The following SRGAP1 variants were observed in gnomAD, a reference collection of about 807,000 sequenced individuals.
SRGAP1 encodes the protein SLIT-ROBO Rho GTPase activating protein 1.
In SRGAP1, 43 loss-of-function variants were observed where a neutral mutation model predicts 121.9. That is an observed-to-expected ratio of 0.35 (90% CI 0.28 to 0.46). The LOEUF is 0.46. SRGAP1 is among the 20% of genes least tolerant of loss of function. The pLI, the probability that SRGAP1 is intolerant of heterozygous loss-of-function variation, is 1.00. For synonymous variants in SRGAP1, 447 were observed against 485.4 expected (o/e 0.92, Z 1.04); for missense variants, 1,102 against 1,350.9 (o/e 0.82, Z 2.89).
intron 1 of SRGAP1, among the ~76,000 whole-genome samples, chr12:63,978,321 TTTTTATTACCCTATA>T (rs1224770654): frequency 4.6e-5 from 7 of 152,214 alleles, no homozygotes; most frequent in African/African-American, 1.7e-4. Context: ...TTTTTCATCA[TTTTTATTACCCTATA>T]AAGAAACTTC....
chr12:64,068,287 AAAAAAAAAAG>A (rs1391703671), intron 8 of SRGAP1, among the ~76,000 whole-genome samples: 1 of 111,808 alleles, frequency 8.9e-6, no homozygotes, highest in African/African-American at 3.8e-5. Flanking sequence ...AAAAAAAAAA[AAAAAAAAAAG>A]TAGTAGGCAC....
At chr12:64,077,464 ATAT>A (rs1316394366) in intron 8 of SRGAP1, among the ~76,000 whole-genome samples, 1 of 149,024 alleles carries the variant, frequency 6.7e-6, no homozygotes, top group East Asian at 1.9e-4. Context: ...TTAAATTTAT[ATAT>A]TAATATTTAT....
rs1485207551 is a variant in SRGAP1 at position 64,127,882 on chromosome 12, A to G, written c.2562A>G (p.Pro854=). The change falls in exon 21 of 22, where the codon CCA becomes CCG. Residue 854 remains proline, a synonymous_variant. Transcript: ENST00000355086. ...CTAGGCAACGAAAAAGAGGAGAGCC[A>G]CCCCCTCCAGTAAGGCGTCCTGGCA... ...YLARQRKRGE[P]PPPVRRPGRT... is the part of the protein sequence containing the mutation. 2 of 1,611,806 alleles carry G rather than the reference A, an allele frequency of 1.2e-6. No homozygotes were observed. Among genetic ancestry groups the G allele is most frequent in the Non-Finnish European group, 1.7e-6 (2 of 1,178,522 alleles).
At chr12:63,913,575 G>T (rs1213748762) in intron 1 of SRGAP1, among the ~76,000 whole-genome samples, 1 of 149,564 alleles carries the variant, frequency 6.7e-6, no homozygotes, top group East Asian at 2.0e-4. Flanking sequence ...CACAGTTCAA[G>T]GGTCAAGTCT....
At chr12:63,863,372 A>G (rs1420228522) in intron 1 of SRGAP1, among the ~76,000 whole-genome samples, 1 of 150,632 alleles carries the variant, frequency 6.6e-6, no homozygotes, top group Non-Finnish European at 1.5e-5. Context: ...TCCTGGGTTC[A>G]AGCAATTTTC....
chr12:64,050,870 G>A (rs938191787), intron 6 of SRGAP1, among the ~76,000 whole-genome samples: 3 of 151,994 alleles, frequency 2.0e-5, no homozygotes, highest in African/African-American at 4.8e-5. Flanking sequence ...TACAGGTACG[G>A]ACCACCATGC....
intron 1 of SRGAP1, among the ~76,000 whole-genome samples, chr12:63,961,215 C>T (rs988573972): frequency 1.3e-5 from 2 of 152,212 alleles, no homozygotes; most frequent in African/African-American, 4.8e-5. Context: ...CACACGCAGC[C>T]AGAGCCTACT....
At chr12:63,867,879 G>A (rs958864128) in intron 1 of SRGAP1, among the ~76,000 whole-genome samples, 6 of 151,262 alleles carry the variant, frequency 4.0e-5, no homozygotes, top group Admixed American at 1.3e-4. Context: ...CTTTAGAAAA[G>A]CAGGGAGATA....
At chr12:63,927,508 A>G (rs977022753) in intron 1 of SRGAP1, among the ~76,000 whole-genome samples, 2 of 151,968 alleles carry the variant, frequency 1.3e-5, no homozygotes, top group African/African-American at 4.8e-5. Flanking sequence ...CTTTCTCTTA[A>G]CCCAGTCACA....
intron 1 of SRGAP1, among the ~76,000 whole-genome samples, chr12:63,868,206 C>G (rs981217248): frequency 6.6e-6 from 1 of 150,518 alleles, no homozygotes; most frequent in Admixed American, 6.6e-5. Context: ...CTCAGCCTCC[C>G]AAGCAGCTGG....
chr12:64,058,207 T>A (rs1018462244), intron 6 of SRGAP1, among the ~76,000 whole-genome samples: 4 of 152,196 alleles, frequency 2.6e-5, no homozygotes, highest in Non-Finnish European at 5.9e-5. Flanking sequence ...TTACAATTGA[T>A]TTATCTGGAC....
rs568314019 is a variant in SRGAP1, at chr12:64,081,620, G to A, written c.1408+1250G>A. The A allele has an allele frequency of 3.3e-5, 5 of 151,978 alleles. No individual in the cohort carries two copies. The East Asian group carries it at 7.7e-4, about 23-fold the overall frequency. The allele number at this position is 151,978 out of a possible 1,614,324, so 9.4% of individuals were successfully genotyped here. A position where few individuals can be genotyped will look rare whatever the true frequency, so the allele number is the denominator to read the frequency against. Reference sequence around the variant, plus strand: ...GAAAGACATTTTAAGAACAATTAGGGAAGTTGAAATACAGACTGTATATTA... The same window carrying A: ...GAAAGACATTTTAAGAACAATTAGGAAAGTTGAAATACAGACTGTATATTA... On this transcript the variant is annotated intron_variant, in intron 10 of 21. Transcript: ENST00000355086.
chr12:64,086,169 T>C (rs1285203598), intron 10 of SRGAP1, among the ~76,000 whole-genome samples: 2 of 152,226 alleles, frequency 1.3e-5, no homozygotes, highest in Non-Finnish European at 1.5e-5. Context: ...GCCAGCTATA[T>C]TTTCAAGCTG....
intron 1 of SRGAP1, among the ~76,000 whole-genome samples, chr12:63,973,543 G>A (rs375462810): frequency 1.1e-4 from 17 of 152,200 alleles, no homozygotes; most frequent in African/African-American, 4.1e-4. Context: ...AGTACTTACC[G>A]CAGAACCTGA....
At chr12:64,095,688 C>T (rs2036143333) in intron 14 of SRGAP1, among the ~76,000 whole-genome samples, 1 of 152,092 alleles carries the variant, frequency 6.6e-6, no homozygotes, top group Non-Finnish European at 1.5e-5. Flanking sequence ...GGTCATATGC[C>T]ATATACATTA....
At chr12:63,989,860 T>C (rs1195382952) in intron 2 of SRGAP1, 50 bp from the exon 3 acceptor site, 3 of 1,511,434 alleles carry the variant, frequency 2.0e-6, no homozygotes, top group Admixed American at 3.8e-5. Context: ...ACTCATCTGA[T>C]TGGGGCAACT....
rs2034803828 is a variant in SRGAP1, at chr12:64,032,554, A to G, written c.490-10236A>G. The G allele has an allele frequency of 4.7e-6, 5 of 1,068,560 alleles. No individual in the cohort carries two copies. The South Asian group carries it at 6.7e-5, about 14-fold the overall frequency. 66.2% of individuals were successfully genotyped at this position (1,068,560 alleles called of 1,614,324 possible). On this transcript the variant is annotated intron_variant, in intron 4 of 21. Transcript: ENST00000355086. ...CAGAGTGACCCAAGGCAGTGCCTTG[A>G]CCAGAGCCACGGACCTAGCTCTGCA...
In SRGAP1 at chr12:64,146,099, A is replaced by G. The variant is rs1461576126; in HGVS notation, c.*3427A>G. The G allele has an allele frequency of 6.6e-6, 1 of 152,244 alleles. No homozygotes were observed. Among genetic ancestry groups the G allele is most frequent in the African/African-American group, 2.4e-5 (1 of 41,456 alleles). 9.4% of individuals were successfully genotyped at this position (152,244 alleles called of 1,614,324 possible). On this transcript the variant is annotated 3_prime_UTR_variant, in exon 22 of 22. Coordinates refer to ENST00000355086, the MANE Select transcript of SRGAP1 (RefSeq NM_020762.4). The stretch of plus-strand genomic sequence containing the variant: ...GGATAGAGAGAAAGGTGTACTTAGT[A>G]CACATTTTCTAATGGGCGTTACGTG...
chr12:64,124,966 A>G (rs1395233334), intron 18 of SRGAP1, among the ~76,000 whole-genome samples: 3 of 152,114 alleles, frequency 2.0e-5, no homozygotes, highest in Non-Finnish European at 4.4e-5. Context: ...GCAGCCTTAC[A>G]TGCACTCCTT....
Sources: gnomAD v4.1 joint callset for allele counts (sites outside exome capture counted in the v4.1 genomes callset) on GRCh38, gnomAD v4.1.1 for gene constraint, MANE v1.5 for transcripts, NCBI Gene and HGNC (gene_info 2026-07-23, HGNC 2026-07-21) for gene names.